Variants in UTY observed in about 807,000 individuals in gnomAD.
UTY encodes ubiquitously transcribed tetratricopeptide repeat containing, Y-linked, also known as histone demethylase UTY.
UTY carries 12 observed loss-of-function variants against 32.5 expected under a neutral mutation model. The ratio of observed to expected loss-of-function variants is 0.37; its 90% CI spans 0.24 to 0.60. The LOEUF (loss-of-function observed/expected upper bound fraction) is 0.60, where lower values mean the gene tolerates loss of function less well. Among genes scored for constraint, UTY ranks in the 20% least tolerant of loss-of-function variants. The pLI is 0.69. For missense variants in UTY, 303 were observed against 299.2 expected, an observed-to-expected ratio of 1.01 and a Z score of -0.09; for synonymous variants, 131 against 103.4, an observed-to-expected ratio of 1.27 and a Z score of -1.62.
At chrY:13,398,878 T>C in intron 6 of UTY, among the ~76,000 whole-genome samples, 1 of 33,145 alleles carries the variant, frequency 3.0e-5, no homozygotes. Flanking sequence ...CAAACACAAA[T>C]GAAAAAGATT....
intron 24 of UTY, among the ~76,000 whole-genome samples, chrY:13,303,430 CATATAG>C (rs2058496098): frequency 3.0e-5 from 1 of 33,614 alleles, no homozygotes. Flanking sequence ...CATTACATAC[CATATAG>C]ATAATCTTAG....
intron 3 of UTY, among the ~76,000 whole-genome samples, chrY:13,469,879 T>C: frequency 3.0e-5 from 1 of 33,693 alleles, no homozygotes. Context: ...GCAAGCAAAA[T>C]AGCAATACAA....
At chrY:13,243,250 A>T (rs2053922884) in intron 28 of UTY, among the ~76,000 whole-genome samples, 1 of 31,545 alleles carries the variant, frequency 3.2e-5, no homozygotes, top group Admixed American at 3.0e-4. Flanking sequence ...AATACAAAAT[A>T]AAATAAAATA....
At chrY:13,410,861 C>A in intron 6 of UTY, 132 bp downstream of exon 6, 1 of 226,172 alleles carries the variant, frequency 4.4e-6, no homozygotes, top group South Asian at 5.7e-5. Context: ...TAGGTCATAT[C>A]CTCAATTTTC....
chrY:13,276,022 A>T, intron 27 of UTY, among the ~76,000 whole-genome samples: 2 of 33,623 alleles, frequency 5.9e-5, no homozygotes, highest in East Asian at 1.5e-3. Context: ...AAGCAGACAG[A>T]CCATTTGAAG....
At chrY:13,397,717 A>G in intron 6 of UTY, among the ~76,000 whole-genome samples, 4 of 33,833 alleles carry the variant, frequency 1.2e-4, no homozygotes. Context: ...TACTCTAAAT[A>G]TATCATATAA....
rs1476104378 is a variant in UTY at position 13,383,287 on chromosome Y, C to CA, written c.645+10571dup. Among the ~76,000 whole-genome samples, 149 of 14,886 alleles carry CA rather than the reference C, an allele frequency of 0.01. No homozygotes were observed. In the East Asian group the frequency reaches 0.13, roughly 13 times the overall value. The allele number at this position is 14,886 out of a possible 37,273, so 39.9% of individuals were successfully genotyped here. On this transcript the variant is annotated intron_variant, in intron 8 of 29. Transcript: ENST00000545955. Reference sequence around the variant, plus strand: ...CCTGGGTGACAGAGTGAGACTCTGTCAAAAAAAAAAAAAACAACCAAAAAA... The same window carrying CA: ...CCTGGGTGACAGAGTGAGACTCTGTCAAAAAAAAAAAAAAACAACCAAAAAA...
At chrY:13,422,686 A>C (rs770373596) in intron 4 of UTY, among the ~76,000 whole-genome samples, 1 of 33,944 alleles carries the variant, frequency 2.9e-5, no homozygotes, top group South Asian at 6.4e-4. Flanking sequence ...CACAAGATAA[A>C]GCAGGTAAAA....
At chrY:13,443,442 G>T (rs2075408575) in intron 4 of UTY, among the ~76,000 whole-genome samples, 1 of 33,556 alleles carries the variant, frequency 3.0e-5, no homozygotes, top group African/African-American at 1.2e-4. Flanking sequence ...GTCTGAAATG[G>T]GTATCCTGCC....
chrY:13,372,042 G>T, intron 8 of UTY, among the ~76,000 whole-genome samples: 3 of 33,502 alleles, frequency 9.0e-5, no homozygotes, highest in Admixed American at 8.2e-4. Flanking sequence ...TGAAATTCCT[G>T]ATACTTTTGC....
intron 2 of UTY, among the ~76,000 whole-genome samples, chrY:13,470,729 C>T (rs528573733): frequency 3.0e-5 from 1 of 32,944 alleles, no homozygotes; most frequent in Non-Finnish European, 7.4e-5. Context: ...ACTTTTCCAT[C>T]TTGAAAAGAT....
At chrY:13,429,519 C>T (rs757663038) in intron 4 of UTY, among the ~76,000 whole-genome samples, 2 of 32,901 alleles carry the variant, frequency 6.1e-5, no homozygotes, top group Non-Finnish European at 1.5e-4. Flanking sequence ...GTAAATCCCA[C>T]CTGATCACCA....
intron 27 of UTY, among the ~76,000 whole-genome samples, chrY:13,269,233 A>G: frequency 3.0e-5 from 1 of 33,239 alleles, no homozygotes; most frequent in Non-Finnish European, 7.4e-5. Context: ...CTAGAGAGGC[A>G]GTCTATAGCG....
At chrY:13,269,819 C>T in intron 27 of UTY, among the ~76,000 whole-genome samples, 1 of 33,651 alleles carries the variant, frequency 3.0e-5, no homozygotes, top group African/African-American at 1.2e-4. Flanking sequence ...GTTCCCTGAC[C>T]CCTTCCCGGA....
intron 8 of UTY, among the ~76,000 whole-genome samples, chrY:13,373,314 C>T (rs2065093670): frequency 3.0e-5 from 1 of 33,531 alleles, no homozygotes; most frequent in Admixed American, 2.7e-4. Flanking sequence ...TATCCCAACA[C>T]AGACAAATTC....
intron 27 of UTY, chrY:13,297,499 T>C (rs2058100279): frequency 8.1e-6 from 2 of 245,839 alleles, no homozygotes; most frequent in Admixed American, 1.5e-4. Context: ...TAAACACAAG[T>C]GACTATCTGT....
intron 27 of UTY, among the ~76,000 whole-genome samples, chrY:13,267,725 T>G: frequency 3.0e-5 from 1 of 33,640 alleles, no homozygotes; most frequent in Non-Finnish European, 7.3e-5. Context: ...ACAAAATCTC[T>G]CAGCATTTGC....
At chrY:13,414,011 C>A in intron 5 of UTY, among the ~76,000 whole-genome samples, 1 of 34,401 alleles carries the variant, frequency 2.9e-5, no homozygotes, top group Non-Finnish European at 7.3e-5. Context: ...CAGTACCCTT[C>A]CCAATGATAA....
chrY:13,375,591 CTT>C (rs2065337762), intron 8 of UTY, among the ~76,000 whole-genome samples: 3 of 33,805 alleles, frequency 8.9e-5, no homozygotes, highest in Admixed American at 8.1e-4. Context: ...AGTATGGTGT[CTT>C]TTTGTAATGG....
Sources: gnomAD v4.1 joint callset for allele counts (sites outside exome capture counted in the v4.1 genomes callset) on GRCh38, gnomAD v4.1.1 for gene constraint, MANE v1.5 for transcripts, NCBI Gene and HGNC (gene_info 2026-07-23, HGNC 2026-07-21) for gene names.